Variants in GALM observed in about 807,000 individuals in gnomAD.
GALM encodes aldose 1-epimerase.
Under a neutral mutation model 37.4 loss-of-function variants are expected in GALM, and 43 were observed. The ratio of observed to expected loss-of-function variants is 1.15; its 90% CI spans 0.90 to 1.48. The LOEUF (loss-of-function observed/expected upper bound fraction) is 1.48, where lower values mean the gene tolerates loss of function less well. Among genes scored for constraint, GALM ranks in the 40% most tolerant of loss-of-function variants. The probability of loss-of-function intolerance (pLI) is 0.00; values close to 1 mark genes in which losing one functional copy is unlikely to be tolerated. For synonymous variants in GALM, 199 were observed against 170.6 expected, an observed-to-expected ratio of 1.17 and a Z score of -1.30; for missense variants, 456 against 419.1, an observed-to-expected ratio of 1.09 and a Z score of -0.77.
Position 38,667,468 on chromosome 2 carries a change from G to A in GALM, c.190+1117G>A, listed in dbSNP as rs182066382. On this transcript the variant is annotated intron_variant, in intron 1 of 6. Transcript: ENST00000272252. ...GCCTGTAATCCCAGCTAGTCAGGAG[G>A]CTGAGGCAGGAGAATAGCTTGAACC... is the stretch of plus-strand genomic sequence containing the variant. Among the ~76,000 whole-genome samples the A allele has an allele frequency of 3.0e-3, 455 of 152,188 alleles. 7 individuals are homozygous for A. Among genetic ancestry groups the A allele is most frequent in the African/African-American group, 0.011 (443 of 41,546 alleles).
intron 4 of GALM, among the ~76,000 whole-genome samples, chr2:38,722,943 T>C (rs1666413986): frequency 6.6e-6 from 1 of 152,130 alleles, no homozygotes; most frequent in Admixed American, 6.6e-5. Context: ...AAACTCACCA[T>C]CTGCAAAGTA....
intron 4 of GALM, among the ~76,000 whole-genome samples, chr2:38,720,739 ATGTTGGC>A (rs1239344025): frequency 6.6e-6 from 1 of 152,170 alleles, no homozygotes; most frequent in African/African-American, 2.4e-5. Context: ...CTGGCAGTTG[ATGTTGGC>A]TGTTGGCTGG....
chr2:38,673,797 G>T (rs190023545), intron 1 of GALM, among the ~76,000 whole-genome samples: 2 of 137,506 alleles, frequency 1.5e-5, no homozygotes, highest in African/African-American at 5.6e-5. Flanking sequence ...GCGACAGAGC[G>T]AGACTCCGTC....
chr2:38,676,460 C>T (rs1293651599), intron 2 of GALM, among the ~76,000 whole-genome samples: 3 of 152,166 alleles, frequency 2.0e-5, no homozygotes, highest in Admixed American at 6.5e-5. Context: ...ATGGGAAAAC[C>T]GAGGCACTGA....
At chr2:38,679,987 C>G (rs541908275) in intron 2 of GALM, 8 of 449,006 alleles carry the variant, frequency 1.8e-5, no homozygotes, top group Non-Finnish European at 3.6e-5. Flanking sequence ...ATTCCAATTC[C>G]TATTTCCAAA....
intron 4 of GALM, among the ~76,000 whole-genome samples, chr2:38,702,146 A>G (rs1665933548): frequency 6.6e-6 from 1 of 152,076 alleles, no homozygotes; most frequent in Non-Finnish European, 1.5e-5. Flanking sequence ...CAATGAATGA[A>G]TGATTCATAA....
chr2:38,693,884 T>G (rs1665740803), intron 4 of GALM, among the ~76,000 whole-genome samples: 1 of 152,122 alleles, frequency 6.6e-6, no homozygotes, highest in Non-Finnish European at 1.5e-5. Context: ...TACAATGTGG[T>G]TAGATGTCAA....
intron 4 of GALM, among the ~76,000 whole-genome samples, chr2:38,725,140 T>C (rs1007432116): frequency 1.3e-5 from 2 of 152,222 alleles, no homozygotes; most frequent in Non-Finnish European, 2.9e-5. Flanking sequence ...CATTTAAAGT[T>C]ATAGAAGAAA....
rs148925212 is a variant in GALM, at chr2:38,679,867, G to C, written c.346-1413G>C. Among the ~76,000 whole-genome samples, 132 of 152,302 alleles carry C rather than the reference G, an allele frequency of 8.7e-4. No individual in the cohort carries two copies. In the East Asian group the frequency reaches 0.017, roughly 20 times the overall value. ...CAGTGTCTGTGAAGTTTGTAGCAAA[G>C]AGTCTTGACTCATAATGGGCACCCG... On this transcript the variant is annotated intron_variant, in intron 2 of 6. Coordinates refer to ENST00000272252, the MANE Select transcript of GALM (RefSeq NM_138801.3).
rs1666487914 is a variant in GALM at position 38,726,435 on chromosome 2, C to G, written c.635-3121C>G. The stretch of plus-strand genomic sequence containing the variant: ...TAGAGACGGGTTTTCACCGTTTTAG[C>G]CGGGATGGTCTCGATCTCCTGACCT... On this transcript the variant is annotated intron_variant, in intron 4 of 6. Coordinates refer to ENST00000272252, the MANE Select transcript of GALM (RefSeq NM_138801.3). 5.3e-5 allele frequency among the ~76,000 whole-genome samples: 8 copies of G among 151,284 alleles called. No homozygotes were observed. In the South Asian group the frequency reaches 1.7e-3, roughly 32 times the overall value.
chr2:38,688,680 A>G (rs1029334411), intron 3 of GALM, among the ~76,000 whole-genome samples: 4 of 152,190 alleles, frequency 2.6e-5, no homozygotes, highest in African/African-American at 9.7e-5. Flanking sequence ...GCTATTGATA[A>G]TATAAAATAA....
Position 38,700,441 on chromosome 2 carries a change from G to T in GALM, c.634+10547G>T, listed in dbSNP as rs112054236. Among the ~76,000 whole-genome samples, 665 of 152,000 alleles carry T rather than the reference G, an allele frequency of 4.4e-3. 9 individuals carry two copies. Among genetic ancestry groups the T allele is most frequent in the African/African-American group, 0.015 (641 of 41,432 alleles). On this transcript the variant is annotated intron_variant, in intron 4 of 6. Transcript: ENST00000272252. ...GTTGGGTGCATATATATTTAGAATT[G>T]TTACCTCCTCTTACTGAATTGATCC...
At chr2:38,718,161 C>A (rs1666305865) in intron 4 of GALM, among the ~76,000 whole-genome samples, 1 of 148,752 alleles carries the variant, frequency 6.7e-6, no homozygotes, top group Non-Finnish European at 1.5e-5. Context: ...AAATAACATG[C>A]TTAATATTTG....
chr2:38,730,692 G>A (rs1666589671), intron 5 of GALM, among the ~76,000 whole-genome samples: 1 of 152,066 alleles, frequency 6.6e-6, no homozygotes, highest in South Asian at 2.1e-4. Context: ...TGGCTGAGGT[G>A]GGCAGATCAC....
intron 4 of GALM, among the ~76,000 whole-genome samples, chr2:38,701,125 C>G (rs1209318890): frequency 6.6e-6 from 1 of 152,220 alleles, no homozygotes; most frequent in Non-Finnish European, 1.5e-5. Context: ...AAGTATTACA[C>G]CAGCTAGATG....
chr2:38,718,196 C>CTTTTTTTTTTTTTTTT (rs3059479), intron 4 of GALM, among the ~76,000 whole-genome samples: 14 of 131,274 alleles, frequency 1.1e-4, no homozygotes, highest in East Asian at 2.3e-4. Context: ...TTTTTCTTTT[C>CTTTTTTTTTTTTTTTT]TTTTTTTTTT....
At chr2:38,727,974 C>T (rs545072752) in intron 4 of GALM, among the ~76,000 whole-genome samples, 2 of 152,264 alleles carry the variant, frequency 1.3e-5, no homozygotes, top group African/African-American at 4.8e-5. Context: ...ACAGTGGAAG[C>T]CAAGTTCCTA....
chr2:38,727,044 C>T (rs1369472600), intron 4 of GALM, among the ~76,000 whole-genome samples: 1 of 151,792 alleles, frequency 6.6e-6, no homozygotes, highest in Non-Finnish European at 1.5e-5. Context: ...GTTGAAACCC[C>T]GTCTCTACAA....
intron 4 of GALM, among the ~76,000 whole-genome samples, chr2:38,713,264 T>C (rs1228726883): frequency 9.9e-5 from 15 of 152,164 alleles, no homozygotes; most frequent in Admixed American, 9.8e-4. Flanking sequence ...AAGCAAACCC[T>C]GAATGCCTTC....
Sources: gnomAD v4.1 joint callset for allele counts (sites outside exome capture counted in the v4.1 genomes callset) on GRCh38, gnomAD v4.1.1 for gene constraint, MANE v1.5 for transcripts, NCBI Gene and HGNC (gene_info 2026-07-23, HGNC 2026-07-21) for gene names.